Variants in LEKR1 observed in about 807,000 individuals in gnomAD.
LEKR1 encodes the protein protein LEKR1.
A neutral mutation model predicts 72.4 loss-of-function variants in LEKR1; 59 were observed. The ratio of observed to expected loss-of-function variants is 0.82; its 90% CI spans 0.66 to 1.01. The LOEUF is 1.01. LEKR1 is among the 50% of genes least tolerant of loss of function. The probability of loss-of-function intolerance (pLI) is 0.00; values close to 1 mark genes in which losing one functional copy is unlikely to be tolerated. For synonymous variants in LEKR1, 257 were observed against 263.2 expected (o/e 0.98, Z 0.23); for missense variants, 728 against 759.2 (o/e 0.96, Z 0.48).
chr3:156,972,978 G>C (rs1729369958), intron 6 of LEKR1, among the ~76,000 whole-genome samples: 1 of 151,966 alleles, frequency 6.6e-6, no homozygotes, highest in Non-Finnish European at 1.5e-5. Flanking sequence ...GCTACAAATA[G>C]AGTAGGTGTT....
At chr3:156,960,975 T>C (rs958684791) in intron 6 of LEKR1, among the ~76,000 whole-genome samples, 3 of 152,206 alleles carry the variant, frequency 2.0e-5, no homozygotes, top group African/African-American at 7.2e-5. Flanking sequence ...TGACCCACAG[T>C]CAGTCTACTT....
chr3:157,019,448 G>C (rs761866133), intron 10 of LEKR1, among the ~76,000 whole-genome samples: 12 of 152,134 alleles, frequency 7.9e-5, no homozygotes, highest in Non-Finnish European at 1.5e-4. Flanking sequence ...CTTCACCAAG[G>C]AGATGGAGTT....
chr3:156,993,313 A>G (rs1326141413), intron 9 of LEKR1, 36 bp downstream of exon 9: 1 of 1,386,546 alleles, frequency 7.2e-7, no homozygotes, highest in Non-Finnish European at 9.9e-7. Context: ...AAAACATTTT[A>G]TGTTTAAGTT....
intron 3 of LEKR1, among the ~76,000 whole-genome samples, chr3:156,899,744 A>G (rs1042072883): frequency 7.0e-5 from 10 of 142,678 alleles, no homozygotes; most frequent in Non-Finnish European, 1.2e-4. Flanking sequence ...ACATATATAC[A>G]TGCATATATA....
intron 10 of LEKR1, 61 bp downstream of exon 10, chr3:157,011,567 T>A: frequency 5.2e-6 from 6 of 1,152,450 alleles, no homozygotes; most frequent in Non-Finnish European, 6.5e-6. Flanking sequence ...ATTCTGACCA[T>A]TTGTCAGAAG....
At chr3:156,945,994 T>C (rs1726641536) in intron 6 of LEKR1, among the ~76,000 whole-genome samples, 1 of 151,760 alleles carries the variant, frequency 6.6e-6, no homozygotes, top group Admixed American at 6.6e-5. Flanking sequence ...AAGAATGACA[T>C]TGGTATTTTG....
At chr3:156,987,022 C>CTATTGTATTG (rs67063525) in intron 7 of LEKR1, among the ~76,000 whole-genome samples, 8,657 of 124,342 alleles carry the variant, frequency 0.07, 430 homozygotes, top group South Asian at 0.11. Flanking sequence ...AAATAGCTAG[C>CTATTGTATTG]TATTGTATTG....
At chr3:156,992,783 GTATT>G (rs1488012549) in intron 8 of LEKR1, 53 bp downstream of exon 8, 1 of 334,338 alleles carries the variant, frequency 3.0e-6, no homozygotes, top group African/African-American at 2.2e-5. Context: ...ACTTAAAACT[GTATT>G]TAAGTAACAT....
At chr3:156,882,703 G>C (rs369274466) in intron 3 of LEKR1, among the ~76,000 whole-genome samples, 2 of 152,152 alleles carry the variant, frequency 1.3e-5, no homozygotes, top group African/African-American at 2.4e-5. Flanking sequence ...ACATGCACAC[G>C]TATTTTTATT....
At chr3:156,920,109 T>A (rs918539094) in intron 3 of LEKR1, among the ~76,000 whole-genome samples, 1 of 152,112 alleles carries the variant, frequency 6.6e-6, no homozygotes, top group African/African-American at 2.4e-5. Flanking sequence ...ATCTTGAATT[T>A]TCCAGTCACC....
chr3:156,917,095 G>A (rs1354416157), intron 3 of LEKR1, among the ~76,000 whole-genome samples: 1 of 151,936 alleles, frequency 6.6e-6, no homozygotes, highest in Non-Finnish European at 1.5e-5. Flanking sequence ...ACAAGAAAAG[G>A]GGCAATTAAA....
chr3:156,918,928 G>A (rs898598078), intron 3 of LEKR1, among the ~76,000 whole-genome samples: 1 of 152,124 alleles, frequency 6.6e-6, no homozygotes. Context: ...GCATTGTTGC[G>A]AGGTACGGCC....
chr3:156,851,027 T>C (rs1319883647), intron 2 of LEKR1: 1 of 152,168 alleles, frequency 6.6e-6, no homozygotes, highest in Non-Finnish European at 1.5e-5. Context: ...TACAATGATA[T>C]TAGTAATGAG....
chr3:156,997,851 A>T (rs767631942), intron 9 of LEKR1, among the ~76,000 whole-genome samples: 4 of 152,264 alleles, frequency 2.6e-5, no homozygotes, highest in Non-Finnish European at 5.9e-5. Context: ...TTCATTGATT[A>T]GTACAAATCT....
At chr3:157,010,257 G>A (rs973263307) in intron 9 of LEKR1, among the ~76,000 whole-genome samples, 1 of 151,634 alleles carries the variant, frequency 6.6e-6, no homozygotes, top group Non-Finnish European at 1.5e-5. Flanking sequence ...TTGGGTCTTG[G>A]TATTAGGAAA....
chr3:157,012,304 T>C (rs530813679), intron 10 of LEKR1, among the ~76,000 whole-genome samples: 1 of 152,236 alleles, frequency 6.6e-6, no homozygotes, highest in South Asian at 2.1e-4. Flanking sequence ...CCTTCTGCCT[T>C]AGTTTTCTTA....
intron 3 of LEKR1, among the ~76,000 whole-genome samples, chr3:156,862,819 A>G (rs765055954): frequency 6.6e-6 from 1 of 152,076 alleles, no homozygotes; most frequent in Non-Finnish European, 1.5e-5. Context: ...CAGCCGGTGG[A>G]GTTCCACTCA....
chr3:157,030,819 T>C (rs1209466812), intron 12 of LEKR1, among the ~76,000 whole-genome samples: 1 of 152,096 alleles, frequency 6.6e-6, no homozygotes. Flanking sequence ...TTTGGCAGAA[T>C]GTATTTGGCC....
intron 6 of LEKR1, among the ~76,000 whole-genome samples, chr3:156,955,490 A>G (rs1014225869): frequency 6.6e-6 from 1 of 152,024 alleles, no homozygotes; most frequent in Non-Finnish European, 1.5e-5. Flanking sequence ...TTTGTCATAT[A>G]TGGCTCTTAT....
Sources: allele counts gnomAD v4.1 joint callset (sites outside exome capture counted in the v4.1 genomes callset), GRCh38; gene constraint gnomAD v4.1.1; transcripts MANE v1.5; gene names NCBI Gene and HGNC (gene_info 2026-07-23, HGNC 2026-07-21).